SGCZ: variants seen among roughly 807,000 people sequenced by gnomAD.
SGCZ encodes zeta-sarcoglycan.
In SGCZ, 40 loss-of-function variants were observed where a neutral mutation model predicts 41.3. The observed-to-expected ratio is 0.97, with a 90% CI of 0.75 to 1.26. The LOEUF (loss-of-function observed/expected upper bound fraction) is 1.26. SGCZ is among the 50% of genes most tolerant of loss of function. The probability of loss-of-function intolerance (pLI) is 0.00; values close to 1 mark genes in which losing one functional copy is unlikely to be tolerated. For synonymous variants in SGCZ, 206 were observed against 137.5 expected (o/e 1.50, Z -3.49); for missense variants, 552 against 369.8 (o/e 1.49, Z -4.04).
intron 3 of SGCZ, among the ~76,000 whole-genome samples, chr8:14,293,084 A>T (rs898668090): frequency 6.6e-6 from 1 of 152,030 alleles, no homozygotes; most frequent in African/African-American, 2.4e-5. Flanking sequence ...CAAATTTTTC[A>T]AAAGTGATCT....
chr8:14,404,564 C>A (rs1306640733), intron 2 of SGCZ, among the ~76,000 whole-genome samples: 1 of 152,080 alleles, frequency 6.6e-6, no homozygotes, highest in Non-Finnish European at 1.5e-5. Context: ...TTAGATGTTG[C>A]GTTATTTTTC....
chr8:14,230,430 T>C (rs1024248050), intron 4 of SGCZ, among the ~76,000 whole-genome samples: 1 of 152,104 alleles, frequency 6.6e-6, no homozygotes, highest in African/African-American at 2.4e-5. Flanking sequence ...ATCTACTATA[T>C]GAGGCAAATA....
intron 4 of SGCZ, among the ~76,000 whole-genome samples, chr8:14,189,204 G>A (rs995264673): frequency 2.6e-5 from 4 of 151,962 alleles, no homozygotes; most frequent in African/African-American, 9.7e-5. Context: ...TATAATCTGG[G>A]CTGCTGAAAC....
chr8:14,879,394 A>C (rs1412516652), intron 1 of SGCZ: 2 of 152,086 alleles, frequency 1.3e-5, no homozygotes, highest in African/African-American at 4.8e-5. Context: ...AAAGAAAACT[A>C]ATCATAGAAC....
intron 1 of SGCZ, among the ~76,000 whole-genome samples, chr8:14,649,568 T>C (rs1404681598): frequency 6.6e-6 from 1 of 151,582 alleles, no homozygotes; most frequent in African/African-American, 2.4e-5. Flanking sequence ...GCATCAAGTT[T>C]GGACTGTCTA....
rs535529581 is a variant in SGCZ at position 15,136,402 on chromosome 8, C to T, written c.39+101183G>A. Among the ~76,000 whole-genome samples, 5 of 151,898 alleles carry T rather than the reference C, an allele frequency of 3.3e-5. No homozygotes were observed. In the South Asian group the frequency reaches 1.0e-3, roughly 32 times the overall value. The stretch of plus-strand genomic sequence containing the variant: ...TCACTCCAGCATACTTGATAAGAGG[C>T]ATGAGCTTACAGATGACTTATTTGA... On this transcript the variant is annotated intron_variant, in intron 1 of 7. Coordinates refer to ENST00000382080, the MANE Select transcript of SGCZ (RefSeq NM_139167.4).
intron 1 of SGCZ, among the ~76,000 whole-genome samples, chr8:14,820,319 G>T (rs1802036368): frequency 6.6e-6 from 1 of 152,044 alleles, no homozygotes; most frequent in African/African-American, 2.4e-5. Context: ...TATAATAGTT[G>T]CAAATATATA....
chr8:14,688,838 C>T (rs1018432173), intron 1 of SGCZ, among the ~76,000 whole-genome samples: 13 of 152,120 alleles, frequency 8.5e-5, no homozygotes, highest in Admixed American at 6.6e-4. Flanking sequence ...TGTTTGCAGA[C>T]GACATGATTG....
At chr8:14,767,669 T>G (rs368759551) in intron 1 of SGCZ, among the ~76,000 whole-genome samples, 84 of 152,282 alleles carry the variant, frequency 5.5e-4, no homozygotes, top group African/African-American at 1.9e-3. Context: ...TAGCAGTTAT[T>G]CATAATGGAA....
intron 1 of SGCZ, among the ~76,000 whole-genome samples, chr8:14,967,621 C>G (rs949753989): frequency 6.6e-6 from 1 of 152,154 alleles, no homozygotes; most frequent in Non-Finnish European, 1.5e-5. Context: ...CATCCCAAAC[C>G]TCTCAGAAAG....
intron 2 of SGCZ, among the ~76,000 whole-genome samples, chr8:14,432,431 G>C (rs555839170): frequency 6.6e-6 from 1 of 152,172 alleles, no homozygotes; most frequent in African/African-American, 2.4e-5. Flanking sequence ...CTCAGGAATG[G>C]AAAACTAAAC....
chr8:15,093,480 A>T (rs1045365971), intron 1 of SGCZ, among the ~76,000 whole-genome samples: 2 of 152,228 alleles, frequency 1.3e-5, no homozygotes, highest in African/African-American at 4.8e-5. Context: ...TATAATCAGC[A>T]TAACAGTTGC....
At chr8:14,434,912 C>T (rs1800045342) in intron 2 of SGCZ, among the ~76,000 whole-genome samples, 1 of 152,066 alleles carries the variant, frequency 6.6e-6, no homozygotes, top group African/African-American at 2.4e-5. Flanking sequence ...AAGTGGAGAG[C>T]AAGTCCTCAC....
At chr8:14,548,923 A>G (rs1342574480) in intron 2 of SGCZ, among the ~76,000 whole-genome samples, 1 of 152,040 alleles carries the variant, frequency 6.6e-6, no homozygotes, top group Non-Finnish European at 1.5e-5. Flanking sequence ...CTGAGGCTCT[A>G]CTGCAGTTGG....
rs151163754 is a variant in SGCZ at position 14,747,660 on chromosome 8, CATTATT to C, written c.40-192740_40-192735del. 3.9e-4 allele frequency among the ~76,000 whole-genome samples: 55 copies of C among 139,508 alleles called. 1 individual carries two copies. The highest frequency in any genetic ancestry group is 1.5e-3 in the Admixed American group (20 of 13,640). The allele number at this position is 139,508 out of a possible 152,430, so 91.5% of individuals were successfully genotyped here. A position where few individuals can be genotyped will look rare whatever the true frequency, so the allele number is the denominator to read the frequency against. On this transcript the variant is annotated intron_variant, in intron 1 of 7. Coordinates refer to ENST00000382080, the MANE Select transcript of SGCZ (RefSeq NM_139167.4). ...CCTGGTACAGGGAAAGGGTACAAGG[CATTATT>C]ATTATTATTATTATTATTATTATTA...
At chr8:15,100,017 G>T (rs984797613) in intron 1 of SGCZ, among the ~76,000 whole-genome samples, 3 of 151,986 alleles carry the variant, frequency 2.0e-5, no homozygotes, top group African/African-American at 7.2e-5. Flanking sequence ...TTCAAAAAAA[G>T]AGATAATTTT....
At chr8:14,188,942 A>G (rs1364001594) in intron 4 of SGCZ, among the ~76,000 whole-genome samples, 1 of 149,236 alleles carries the variant, frequency 6.7e-6, no homozygotes, top group Non-Finnish European at 1.5e-5. Flanking sequence ...AGCAACCTCC[A>G]TCACCCGGGT....
chr8:14,362,887 A>T (rs866888735), intron 2 of SGCZ, among the ~76,000 whole-genome samples: 1 of 152,372 alleles, frequency 6.6e-6, no homozygotes, highest in South Asian at 2.1e-4. Context: ...ATGCAAATAT[A>T]GTATTATTGA....
At chr8:14,276,318 T>C (rs1255390055) in intron 3 of SGCZ, among the ~76,000 whole-genome samples, 1 of 152,170 alleles carries the variant, frequency 6.6e-6, no homozygotes, top group African/African-American at 2.4e-5. Context: ...CACAGCTTCT[T>C]AGGGATCTTA....
Sources: allele counts gnomAD v4.1 joint callset (sites outside exome capture counted in the v4.1 genomes callset), GRCh38; gene constraint gnomAD v4.1.1; transcripts MANE v1.5; gene names NCBI Gene and HGNC (gene_info 2026-07-23, HGNC 2026-07-21).